LPL: variants seen among roughly 807,000 people sequenced by gnomAD.
The protein encoded by LPL is lipoprotein lipase, also known as phospholipase A1.
LPL carries 43 observed loss-of-function variants against 52.2 expected under a neutral mutation model. That is an observed-to-expected ratio of 0.82 (90% CI 0.64 to 1.06). The LOEUF (loss-of-function observed/expected upper bound fraction) is 1.06. Among genes scored for constraint, LPL ranks in the 50% least tolerant of loss-of-function variants. LPL has a pLI of 0.00. For synonymous variants in LPL, 244 were observed against 215.6 expected (o/e 1.13, Z -1.15); for missense variants, 639 against 585.3 (o/e 1.09, Z -0.95).
intron 1 of LPL, among the ~76,000 whole-genome samples, chr8:19,945,109 T>C (rs1014249392): frequency 4.6e-5 from 7 of 152,216 alleles, no homozygotes; most frequent in African/African-American, 1.7e-4. Flanking sequence ...CAGTCACTAA[T>C]ATTATTTCCA....
intron 9 of LPL, among the ~76,000 whole-genome samples, chr8:19,962,787 CTG>C (rs2070051420): frequency 6.6e-6 from 1 of 152,240 alleles, no homozygotes; most frequent in Non-Finnish European, 1.5e-5. Flanking sequence ...TTATAGGAAA[CTG>C]TTCTCTCTTC....
chr8:19,949,835 A>T lies in LPL; in HGVS notation c.249+1495A>T, dbSNP rs60772381. 7.9e-3 allele frequency among the ~76,000 whole-genome samples: 1,211 copies of T among 152,352 alleles called. 52 individuals carry two copies. The East Asian group carries it at 0.1, about 13-fold the overall frequency. On this transcript the variant is annotated intron_variant, in intron 2 of 9. Transcript: ENST00000650287. ...TGGTTATATACAGAACTTGGATTTT[A>T]AAATTTTTCAAAAAATCTGAGCTTA... is the stretch of plus-strand genomic sequence containing the variant.
chr8:19,943,641 C>G (rs921420026), intron 1 of LPL, among the ~76,000 whole-genome samples: 1 of 152,128 alleles, frequency 6.6e-6, no homozygotes, highest in African/African-American at 2.4e-5. Flanking sequence ...CTGAAATATG[C>G]CTATGTGATG....
At chr8:19,960,066 G>T (rs1469339550) in intron 7 of LPL, among the ~76,000 whole-genome samples, 2 of 151,956 alleles carry the variant, frequency 1.3e-5, no homozygotes, top group African/African-American at 4.8e-5. Flanking sequence ...TGGGATTACA[G>T]GTGTGAGCCA....
chr8:19,946,788 C>T (rs909185189), intron 1 of LPL: 1 of 154,896 alleles, frequency 6.5e-6, no homozygotes, highest in African/African-American at 2.4e-5. Flanking sequence ...TGATTGTGCT[C>T]TGCTTCATGA....
intron 1 of LPL, among the ~76,000 whole-genome samples, chr8:19,942,601 A>C (rs919191448): frequency 2.0e-5 from 3 of 152,196 alleles, no homozygotes; most frequent in African/African-American, 7.2e-5. Context: ...ACCTGGGAGT[A>C]AAATTCTTGT....
chr8:19,947,496 G>C (rs1479782007), intron 1 of LPL, among the ~76,000 whole-genome samples: 13 of 152,100 alleles, frequency 8.5e-5, no homozygotes, highest in Admixed American at 8.5e-4. Context: ...AAGTTAGCCT[G>C]GCGTGGTGGC....
chr8:19,954,003 T>C (rs988356523), intron 4 of LPL, 117 bp from the exon 5 acceptor site: 2 of 766,168 alleles, frequency 2.6e-6, no homozygotes, highest in African/African-American at 1.7e-5. Context: ...GACTGTAGAA[T>C]AGGAGCTAAT....
intron 9 of LPL, 79 bp downstream of exon 9, chr8:19,962,298 C>T: frequency 9.7e-7 from 1 of 1,035,524 alleles, no homozygotes; most frequent in Non-Finnish European, 1.5e-6. Flanking sequence ...TTCCTCTTCA[C>T]CCCATCACCA....
chr8:19,959,197 C>T (rs560899136), intron 6 of LPL, 63 bp from the exon 7 acceptor site: 7 of 1,607,936 alleles, frequency 4.4e-6, no homozygotes, highest in South Asian at 2.2e-5. Flanking sequence ...AATTGCCTGA[C>T]TATTTGGGGT....
At chr8:19,940,202 C>T (rs1346631311) in intron 1 of LPL, among the ~76,000 whole-genome samples, 1 of 152,228 alleles carries the variant, frequency 6.6e-6, no homozygotes, top group African/African-American at 2.4e-5. Flanking sequence ...GGACTCTCTC[C>T]AGCTTCCAGG....
At position 19,959,245 on chromosome 8, in the gene LPL, T is replaced by C; in HGVS notation, c.1019-15T>C. 6.2e-7 allele frequency: 1 copy of C among 1,614,112 alleles called. No homozygotes were observed. The highest frequency in any genetic ancestry group is 1.1e-5 in the South Asian group (1 of 91,082). ...ATAAAGATTGATCAACATGTTCGAATTTCCTCCCCAACAGTCTTCCATTAC... is the reference window on the plus strand; with the variant it reads ...ATAAAGATTGATCAACATGTTCGAACTTCCTCCCCAACAGTCTTCCATTAC... On this transcript the variant is annotated splice_polypyrimidine_tract_variant and intron_variant, in intron 6 of 9. Coordinates refer to ENST00000650287, the MANE Select transcript of LPL (RefSeq NM_000237.3).
chr8:19,957,405 T>G (rs990521189), intron 6 of LPL, among the ~76,000 whole-genome samples: 1 of 152,172 alleles, frequency 6.6e-6, no homozygotes, highest in African/African-American at 2.4e-5. Flanking sequence ...GAGGTGTCTT[T>G]CGTGGTATAG....
At chr8:19,951,403 T>C (rs1231274383) in intron 2 of LPL, among the ~76,000 whole-genome samples, 2 of 152,214 alleles carry the variant, frequency 1.3e-5, no homozygotes, top group Admixed American at 1.3e-4. Flanking sequence ...AGGGTTCTGC[T>C]CCTAGCCAGG....
chr8:19,942,004 G>A (rs1415926658), intron 1 of LPL, among the ~76,000 whole-genome samples: 1 of 152,184 alleles, frequency 6.6e-6, no homozygotes, highest in East Asian at 1.9e-4. Context: ...TTTCCAGGCT[G>A]TCTTCTGAGT....
intron 1 of LPL, among the ~76,000 whole-genome samples, chr8:19,943,765 C>T (rs1300974243): frequency 1.3e-5 from 2 of 152,148 alleles, no homozygotes; most frequent in Non-Finnish European, 2.9e-5. Flanking sequence ...CATCTCTGAA[C>T]CTATTTTTTA....
chr8:19,948,997 GA>G (rs2069908670), intron 2 of LPL, among the ~76,000 whole-genome samples: 3 of 150,694 alleles, frequency 2.0e-5, no homozygotes, highest in African/African-American at 7.5e-5. Flanking sequence ...TAGAAAAAGT[GA>G]AACTGTGATT....
Position 19,950,939 on chromosome 8 carries a change from GAGGAAGAAAGGA to G in LPL, c.250-821_250-810del, listed in dbSNP as rs1299093748. Among the ~76,000 whole-genome samples, 3 of 117,558 alleles carry G rather than the reference GAGGAAGAAAGGA, an allele frequency of 2.6e-5. No homozygotes were observed. Among genetic ancestry groups the G allele is most frequent in the Non-Finnish European group, 5.5e-5 (3 of 54,248 alleles). The allele number at this position is 117,558 out of a possible 152,430, so 77.1% of individuals were successfully genotyped here. On this transcript the variant is annotated intron_variant, in intron 2 of 9. Coordinates refer to ENST00000650287, the MANE Select transcript of LPL (RefSeq NM_000237.3). The surrounding 1 kb of genome is among the most constrained non-coding windows in gnomAD (Gnocchi z 4.2). The stretch of plus-strand genomic sequence containing the variant: ...GAATGAAGGAAGGAAGGAAGGGAGG[GAGGAAGAAAGGA>G]AGGAAGAACAAAGAAAAGAGAAACA...
intron 1 of LPL, among the ~76,000 whole-genome samples, chr8:19,947,066 A>G (rs1242155913): frequency 2.6e-5 from 4 of 152,232 alleles, no homozygotes. Flanking sequence ...TGGCTGATAC[A>G]TAGCACGGGT....
Sources: gnomAD v4.1 joint callset for allele counts (sites outside exome capture counted in the v4.1 genomes callset) on GRCh38, gnomAD v4.1.1 for gene constraint, Gnocchi (gnomAD v3.1) non-coding constraint, MANE v1.5 for transcripts, NCBI Gene and HGNC (gene_info 2026-07-23, HGNC 2026-07-21) for gene names.